The following ZZEF1 variants were observed in gnomAD, a reference collection of about 807,000 sequenced individuals.
The protein encoded by ZZEF1 is zinc finger ZZ-type and EF-hand domain containing 1.
A neutral mutation model predicts 342.8 loss-of-function variants in ZZEF1; 157 were observed. That is an observed-to-expected ratio of 0.46 (90% CI 0.40 to 0.52). ZZEF1 has a LOEUF of 0.52. Ranked by LOEUF, ZZEF1 falls within the 20% of genes least tolerant of loss-of-function variation. ZZEF1 has a pLI of 0.00. For synonymous variants in ZZEF1, 1,505 were observed against 1,429.1 expected, an observed-to-expected ratio of 1.05 and a Z score of -1.20; for missense variants, 3,480 against 3,725.6, an observed-to-expected ratio of 0.93 and a Z score of 1.72.
chr17:4,032,804 C>A (rs1393865237), intron 41 of ZZEF1, 24 bp downstream of exon 41: 1 of 1,611,180 alleles, frequency 6.2e-7, no homozygotes, highest in Non-Finnish European at 8.5e-7. Context: ...GTGACCAGGC[C>A]CTCAGGCCTT....
At chr17:4,018,776 C>A in intron 46 of ZZEF1, among the ~76,000 whole-genome samples, 1 of 152,118 alleles carries the variant, frequency 6.6e-6, no homozygotes, top group East Asian at 1.9e-4. Flanking sequence ...GGGTTCTGGG[C>A]AGTGCAGGTG....
At chr17:4,141,973 T>C (rs2058859848) in intron 1 of ZZEF1, among the ~76,000 whole-genome samples, 2 of 152,244 alleles carry the variant, frequency 1.3e-5, no homozygotes, top group African/African-American at 4.8e-5. Flanking sequence ...CCTATCAGTT[T>C]CGGATCCTAT....
chr17:4,038,251 G>C (rs909896115), intron 39 of ZZEF1, among the ~76,000 whole-genome samples: 1 of 152,218 alleles, frequency 6.6e-6, no homozygotes, highest in African/African-American at 2.4e-5. Flanking sequence ...CAGGGAGTGT[G>C]AACTGGTACA....
At position 4,076,693 on chromosome 17, in the gene ZZEF1, C is replaced by T. The variant is rs775845766; in HGVS notation, c.3178G>A (p.Val1060Ile). The T allele has an allele frequency of 9.9e-6, 16 of 1,613,270 alleles. No individual in the cohort carries two copies. Among genetic ancestry groups the T allele is most frequent in the Admixed American group, 1.7e-5 (1 of 60,002 alleles). The change falls in exon 21 of 55, where the codon GTC (valine) becomes ATC (isoleucine). Residue 1060 changes from valine to isoleucine, a missense_variant. Physicochemically the swap from Val to Ile is conservative, Grantham distance 29. Transcript: ENST00000381638. ...AGCTTCTTCAGGAGTTCTGTGAGGA[C>T]GCTGAACTCTCTCAAGAGCACGCAG... is the stretch of plus-strand genomic sequence containing the variant. ...PHCVLLREFS[V>I]LTELLKKLCS...
chr17:4,026,598 T>G (rs555331930), intron 42 of ZZEF1, among the ~76,000 whole-genome samples: 1 of 151,582 alleles, frequency 6.6e-6, no homozygotes, highest in Non-Finnish European at 1.5e-5. Flanking sequence ...CTTGGCTGAC[T>G]GCAACCTCCA....
chr17:4,118,679 A>G (rs966318646), intron 2 of ZZEF1, among the ~76,000 whole-genome samples: 2 of 152,194 alleles, frequency 1.3e-5, no homozygotes, highest in South Asian at 2.1e-4. Flanking sequence ...CCAAAATCCA[A>G]GTTGGTCCAC....
chr17:4,076,469 G>A (rs975441460), intron 21 of ZZEF1, 168 bp downstream of exon 21: 11 of 843,414 alleles, frequency 1.3e-5, no homozygotes, highest in South Asian at 4.1e-5. Flanking sequence ...AGGCCACATC[G>A]ACTTGGACTG....
At chr17:4,073,046 T>C (rs1326239622) in intron 24 of ZZEF1, among the ~76,000 whole-genome samples, 1 of 152,232 alleles carries the variant, frequency 6.6e-6, no homozygotes, top group Admixed American at 6.5e-5. Context: ...GAACCATTTC[T>C]GGCATATAAC....
chr17:4,048,542 A>G (rs1170632101), intron 37 of ZZEF1, among the ~76,000 whole-genome samples: 2 of 152,198 alleles, frequency 1.3e-5, no homozygotes, highest in Non-Finnish European at 2.9e-5. Flanking sequence ...AACAATCTTT[A>G]GTGCCACTAT....
At chr17:4,049,274 G>A (rs1000147807) in intron 37 of ZZEF1, among the ~76,000 whole-genome samples, 4 of 152,164 alleles carry the variant, frequency 2.6e-5, no homozygotes, top group Non-Finnish European at 5.9e-5. Flanking sequence ...CACTTTGGGA[G>A]GCCAAGGCCA....
intron 5 of ZZEF1, among the ~76,000 whole-genome samples, chr17:4,112,060 A>G (rs1400247959): frequency 6.6e-5 from 3 of 45,420 alleles, no homozygotes; most frequent in Non-Finnish European, 1.2e-4. Flanking sequence ...ATATATATAT[A>G]TATATATATA....
intron 24 of ZZEF1, among the ~76,000 whole-genome samples, chr17:4,073,409 A>T (rs1214494885): frequency 2.0e-5 from 3 of 152,096 alleles, no homozygotes; most frequent in African/African-American, 7.3e-5. Flanking sequence ...AGAATTAAAT[A>T]AACAATTATA....
At chr17:4,018,503 G>A (rs1257038937) in intron 46 of ZZEF1, among the ~76,000 whole-genome samples, 1 of 151,988 alleles carries the variant, frequency 6.6e-6, no homozygotes, top group Non-Finnish European at 1.5e-5. Context: ...AATCAGAATG[G>A]GTTCAGAGTG....
Position 4,075,400 on chromosome 17 carries a change from C to G in ZZEF1, c.3264G>C (p.Gln1088His), listed in dbSNP as rs2145297489. 1 of 1,614,178 alleles carries G rather than the reference C, an allele frequency of 6.2e-7. No homozygotes were observed. The highest frequency in any genetic ancestry group is 1.1e-5 in the South Asian group (1 of 91,072). ...TCGTCCACGTATGTAACACCACAGG[C>G]TGTTCCTGTTGCCAGGTCTCAACAT... ...KLDVETWQQEQPVVLHTWTKE... is the reference protein window; with the variant it reads ...KLDVETWQQEHPVVLHTWTKE... The change falls in exon 22 of 55, where the codon CAG becomes CAC. Residue 1088 changes from glutamine (Q) to histidine (H), a missense_variant. Gln to His is a conservative substitution (Grantham distance 24). Transcript: ENST00000381638.
At chr17:4,064,292 A>G in intron 29 of ZZEF1, 69 bp downstream of exon 29, 1 of 1,216,806 alleles carries the variant, frequency 8.2e-7, no homozygotes, top group Non-Finnish European at 1.2e-6. Flanking sequence ...ATGAACTTCA[A>G]GCCTCTGACT....
chr17:4,064,050 T>A (rs1433808381), intron 29 of ZZEF1, among the ~76,000 whole-genome samples: 1 of 146,554 alleles, frequency 6.8e-6, no homozygotes, highest in African/African-American at 2.6e-5. Flanking sequence ...TAAAAAAAAT[T>A]TTTTGTAGAT....
Position 4,008,736 on chromosome 17 carries a change from A to G in ZZEF1, c.8805+147T>C, listed in dbSNP as rs893914004. The G allele has an allele frequency of 1.4e-6, 2 of 1,421,620 alleles. No homozygotes were observed. The highest frequency in any genetic ancestry group is 5.5e-5 in the Admixed American group (2 of 36,614). The allele number at this position is 1,421,620 out of a possible 1,614,324, so 88.1% of individuals were successfully genotyped here. A position where few individuals can be genotyped will look rare whatever the true frequency, so the allele number is the denominator to read the frequency against. Reference sequence around the variant, plus strand: ...TGCATGCTCTCTGAGCACCAGGAGGAAGTGACTGAACTGGAACAAGCTCTG... The same window carrying G: ...TGCATGCTCTCTGAGCACCAGGAGGGAGTGACTGAACTGGAACAAGCTCTG... On this transcript the variant is annotated intron_variant, in intron 54 of 54. Transcript: ENST00000381638. This position sits in a 1 kb window ranked among gnomAD's most constrained non-coding sequence, Gnocchi z 4.2.
At chr17:4,114,862 G>A (rs1034307223) in intron 3 of ZZEF1, among the ~76,000 whole-genome samples, 4 of 152,132 alleles carry the variant, frequency 2.6e-5, no homozygotes, top group African/African-American at 9.7e-5. Context: ...AATAATGAGT[G>A]ACACTTTTTA....
chr17:4,065,065 A>G (rs2057366486), intron 28 of ZZEF1, among the ~76,000 whole-genome samples: 1 of 152,218 alleles, frequency 6.6e-6, no homozygotes, highest in African/African-American at 2.4e-5. Context: ...CTGTAGAGAA[A>G]ATAAGTTAAA....
Sources: allele counts gnomAD v4.1 joint callset (sites outside exome capture counted in the v4.1 genomes callset), GRCh38; gene constraint gnomAD v4.1.1; non-coding constraint Gnocchi (gnomAD v3.1); transcripts MANE v1.5; gene names NCBI Gene and HGNC (gene_info 2026-07-23, HGNC 2026-07-21).